The following VTI1A variants were observed in gnomAD, a reference collection of about 807,000 sequenced individuals.
VTI1A encodes the protein vesicle transport through interaction with t-SNAREs homolog 1A.
VTI1A carries 22 observed loss-of-function variants against 34.9 expected under a neutral mutation model. The observed-to-expected ratio is 0.63, with a 90% CI of 0.45 to 0.90. VTI1A has a LOEUF of 0.90. Among genes scored for constraint, VTI1A ranks in the 40% least tolerant of loss-of-function variants. VTI1A has a pLI of 0.00. For missense variants in VTI1A, 268 were observed against 275.6 expected, an observed-to-expected ratio of 0.97 and a Z score of 0.20; for synonymous variants, 87 against 97.3, an observed-to-expected ratio of 0.89 and a Z score of 0.62.
At chr10:112,626,084 A>G (rs1386161617) in intron 5 of VTI1A, among the ~76,000 whole-genome samples, 1 of 151,984 alleles carries the variant, frequency 6.6e-6, no homozygotes, top group Non-Finnish European at 1.5e-5. Flanking sequence ...TTTTTTTGTA[A>G]TGATTTCGCA....
chr10:112,721,376 G>A (rs1184074126), intron 7 of VTI1A, among the ~76,000 whole-genome samples: 1 of 152,214 alleles, frequency 6.6e-6, no homozygotes, highest in Non-Finnish European at 1.5e-5. Context: ...TCTGTGGACA[G>A]AAGAATTGTT....
Position 112,815,304 on chromosome 10 carries a change from G to A in VTI1A, c.575G>A (p.Arg192His), listed in dbSNP as rs769466096. The A allele has an allele frequency of 1.9e-5, 31 of 1,612,486 alleles. No homozygotes were observed. Among genetic ancestry groups the A allele is most frequent in the Middle Eastern group, 1.6e-4 (1 of 6,074 alleles). The part of the protein sequence containing the change: ...TGMLRRIIQN[R>H]ILLVILGIIV... ...CTGTCTCCTAGAATCATCCAGAACC[G>A]CATCCTGCTCGTCATCCTAGGGATC... The change falls in exon 8 of 8, where the codon CGC becomes CAC. Residue 192 changes from arginine (R) to histidine (H), a missense_variant. Arg to His is a conservative substitution (Grantham distance 29). Transcript: ENST00000393077.
At chr10:112,539,262 A>C (rs1850770172) in intron 5 of VTI1A, among the ~76,000 whole-genome samples, 1 of 152,196 alleles carries the variant, frequency 6.6e-6, no homozygotes, top group Non-Finnish European at 1.5e-5. Context: ...AGAAATGTTT[A>C]TTTTGTAAGA....
At chr10:112,630,616 A>G (rs760384689) in intron 5 of VTI1A, among the ~76,000 whole-genome samples, 3 of 152,154 alleles carry the variant, frequency 2.0e-5, no homozygotes, top group Non-Finnish European at 4.4e-5. Flanking sequence ...TTGAACCTCT[A>G]TTCACTTGAT....
chr10:112,533,131 T>C (rs1261896362), intron 4 of VTI1A, among the ~76,000 whole-genome samples: 2 of 152,054 alleles, frequency 1.3e-5, no homozygotes, highest in African/African-American at 2.4e-5. Flanking sequence ...AGATTCCAAA[T>C]AGGGAAACAT....
At position 112,728,200 on chromosome 10, in the gene VTI1A, C is replaced by G. The variant is rs1004120846; in HGVS notation, c.560+59202C>G. Reference sequence around the variant, plus strand: ...TTTCTTTTCTTCCCCCCACCCCCCTCAAAATGAGTGGATTCAGAAACATTA... The same window carrying G: ...TTTCTTTTCTTCCCCCCACCCCCCTGAAAATGAGTGGATTCAGAAACATTA... On this transcript the variant is annotated intron_variant, in intron 7 of 7. Coordinates refer to ENST00000393077, the MANE Select transcript of VTI1A (RefSeq NM_145206.4). 2.6e-5 allele frequency among the ~76,000 whole-genome samples: 4 copies of G among 152,022 alleles called. No homozygotes were observed. In the East Asian group the frequency reaches 7.7e-4, roughly 29 times the overall value.
In VTI1A at chr10:112,601,599, TG is replaced by T. The variant is rs550694120; in HGVS notation, c.427+63270del. ...CGTGCCTCATCCTAGGAAGTAGGTT[TG>T]TCCTGTTTGCTTTCATAAGCATGAC... On this transcript the variant is annotated intron_variant, in intron 5 of 7. Coordinates refer to ENST00000393077, the MANE Select transcript of VTI1A (RefSeq NM_145206.4). Among the ~76,000 whole-genome samples, 11 of 152,326 alleles carry T rather than the reference TG, an allele frequency of 7.2e-5. No individual in the cohort carries two copies. The South Asian group carries it at 2.1e-3, about 29-fold the overall frequency.
chr10:112,593,620 T>G (rs1020702998), intron 5 of VTI1A, among the ~76,000 whole-genome samples: 6 of 152,146 alleles, frequency 3.9e-5, no homozygotes, highest in Non-Finnish European at 7.4e-5. Flanking sequence ...TTACTCATAA[T>G]CCCATCAACC....
At chr10:112,763,331 TC>T (rs1851539184) in intron 7 of VTI1A, among the ~76,000 whole-genome samples, 1 of 151,486 alleles carries the variant, frequency 6.6e-6, no homozygotes, top group Admixed American at 6.6e-5. Flanking sequence ...TCCCAGCTAC[TC>T]GGGAGGCTGA....
At chr10:112,520,657 A>T (rs941960447) in intron 3 of VTI1A, among the ~76,000 whole-genome samples, 1 of 148,700 alleles carries the variant, frequency 6.7e-6, no homozygotes, top group African/African-American at 2.5e-5. Context: ...GTATATATAT[A>T]TATATATATA....
At chr10:112,602,745 G>A (rs886653978) in intron 5 of VTI1A, among the ~76,000 whole-genome samples, 5 of 152,164 alleles carry the variant, frequency 3.3e-5, no homozygotes, top group African/African-American at 7.2e-5. Context: ...TGGTCAAAAT[G>A]TCAAACAGTA....
At chr10:112,733,892 A>ACAGG (rs1174765168) in intron 7 of VTI1A, among the ~76,000 whole-genome samples, 1 of 151,906 alleles carries the variant, frequency 6.6e-6, no homozygotes, top group Non-Finnish European at 1.5e-5. Context: ...AGCTGAGATT[A>ACAGG]CAGGGGTGCA....
chr10:112,675,977 G>C (rs902966832), intron 7 of VTI1A, among the ~76,000 whole-genome samples: 1 of 152,010 alleles, frequency 6.6e-6, no homozygotes, highest in Admixed American at 6.6e-5. Flanking sequence ...TACATGTAAA[G>C]TGCACACAAC....
chr10:112,504,980 T>G (rs1169780915), intron 3 of VTI1A, among the ~76,000 whole-genome samples: 1 of 152,120 alleles, frequency 6.6e-6, no homozygotes, highest in East Asian at 1.9e-4. Context: ...TTTCTTTTGT[T>G]AAGTTCTATT....
chr10:112,447,138 G>A (rs1846853504), upstream of VTI1A: 2 of 525,950 alleles, frequency 3.8e-6, no homozygotes, highest in African/African-American at 1.9e-5. Context: ...TTTCCTTTGC[G>A]AACTTACTTA....
intron 7 of VTI1A, among the ~76,000 whole-genome samples, chr10:112,761,770 CTGTGTGTGTG>C (rs57330053): frequency 4.1e-5 from 6 of 145,928 alleles, no homozygotes; most frequent in East Asian, 2.0e-4. Flanking sequence ...CTTTCTTTCT[CTGTGTGTGTG>C]TGTGTGTGTG....
downstream of VTI1A, among the ~76,000 whole-genome samples, chr10:112,819,039 T>C (rs116488519): frequency 8.1e-3 from 1,228 of 152,318 alleles, 13 homozygotes; most frequent in African/African-American, 0.028. Flanking sequence ...AAGGTTGATG[T>C]TAACCCCTTT....
At chr10:112,810,093 A>C (rs1853230760) in intron 7 of VTI1A, among the ~76,000 whole-genome samples, 1 of 151,728 alleles carries the variant, frequency 6.6e-6, no homozygotes, top group East Asian at 1.9e-4. Context: ...GGGTGGTTTG[A>C]TTTAAAAAAA....
intron 7 of VTI1A, among the ~76,000 whole-genome samples, chr10:112,780,606 A>G (rs1852096244): frequency 6.6e-6 from 1 of 152,162 alleles, no homozygotes; most frequent in Non-Finnish European, 1.5e-5. Flanking sequence ...AGAGCTCAAT[A>G]TGCATAATCT....
Sources: gnomAD v4.1 joint callset for allele counts (sites outside exome capture counted in the v4.1 genomes callset) on GRCh38, gnomAD v4.1.1 for gene constraint, MANE v1.5 for transcripts, NCBI Gene and HGNC (gene_info 2026-07-23, HGNC 2026-07-21) for gene names.